EVC2: variants seen among roughly 807,000 people sequenced by gnomAD.
EVC2 encodes EvC ciliary complex subunit 2, also known as limbin.
Under a neutral mutation model 149.3 loss-of-function variants are expected in EVC2, and 148 were observed. The ratio of observed to expected loss-of-function variants is 0.99; its 90% confidence interval spans 0.87 to 1.14. The LOEUF is 1.14. EVC2 is among the 50% of genes most tolerant of loss of function. EVC2 has a pLI of 0.00. For synonymous variants in EVC2, 776 were observed against 649.9 expected, an observed-to-expected ratio of 1.19 and a Z score of -2.95; for missense variants, 1,854 against 1,627.3, an observed-to-expected ratio of 1.14 and a Z score of -2.40.
At chr4:5,597,642 C>T (rs1003371168) in intron 16 of EVC2, among the ~76,000 whole-genome samples, 1 of 149,394 alleles carries the variant, frequency 6.7e-6, no homozygotes, top group Non-Finnish European at 1.5e-5. Context: ...GAAACATTCC[C>T]TTTGAAAACT....
In EVC2 at chr4:5,579,562, C is replaced by T. The variant is rs533924659; in HGVS notation, c.3058-3108G>A. 1.7e-4 allele frequency among the ~76,000 whole-genome samples: 26 copies of T among 152,282 alleles called. No homozygotes were observed. The East Asian group carries it at 4.8e-3, about 28-fold the overall frequency. On this transcript the variant is annotated intron_variant, in intron 17 of 21. Coordinates refer to ENST00000344408, the MANE Select transcript of EVC2 (RefSeq NM_147127.5). ...GAGGGAAGATCAGAAGATGCCGAGG[C>T]TGGGCGTGGTAGCTCACACCTGTAA...
At chr4:5,697,746 C>A in intron 1 of EVC2, 99 bp from the exon 2 acceptor site, 3 of 814,012 alleles carry the variant, frequency 3.7e-6, no homozygotes, top group Non-Finnish European at 3.8e-6. Context: ...AGGACATGCA[C>A]TTTTTTTTTT....
At chr4:5,643,882 G>T (rs374722859) in intron 9 of EVC2, among the ~76,000 whole-genome samples, 1 of 152,122 alleles carries the variant, frequency 6.6e-6, no homozygotes, top group Non-Finnish European at 1.5e-5. Context: ...GCAATAGGGC[G>T]AGACTGTCTC....
At chr4:5,611,393 T>TC (rs981375537) in intron 16 of EVC2, among the ~76,000 whole-genome samples, 2 of 152,218 alleles carry the variant, frequency 1.3e-5, no homozygotes, top group African/African-American at 4.8e-5. Context: ...ACACAGTTTT[T>TC]CTTTTAGTAT....
chr4:5,668,179 C>T (rs1719396236), intron 7 of EVC2, among the ~76,000 whole-genome samples: 1 of 152,210 alleles, frequency 6.6e-6, no homozygotes, highest in Non-Finnish European at 1.5e-5. Flanking sequence ...TAGCCTATTC[C>T]TCATTCTTGC....
intron 9 of EVC2, among the ~76,000 whole-genome samples, chr4:5,646,220 C>A (rs561228640): frequency 1.3e-5 from 2 of 152,160 alleles, no homozygotes; most frequent in East Asian, 3.9e-4. Context: ...CATAAGCCAC[C>A]GTGCCAGGTC....
Position 5,622,439 on chromosome 4 carries a change from G to A in EVC2, c.2501+98C>T, listed in dbSNP as rs1353087482. The A allele has an allele frequency of 3.0e-6, 4 of 1,354,504 alleles. No homozygotes were observed. The highest frequency in any genetic ancestry group is 4.1e-6 in the Non-Finnish European group (4 of 965,764). 83.9% of individuals were successfully genotyped at this position (1,354,504 alleles called of 1,614,324 possible). ...TGGTAATCTCATCTGTCTGGGGCCA[G>A]GTGTCTCATGCTTGGCCATCCCCAC... On this transcript the variant is annotated intron_variant, in intron 14 of 21. Transcript: ENST00000344408. The surrounding 1 kb of genome is among the most constrained non-coding windows in gnomAD (Gnocchi z 5.8).
intron 21 of EVC2, among the ~76,000 whole-genome samples, chr4:5,550,475 G>C (rs1721713912): frequency 1.3e-5 from 2 of 152,182 alleles, no homozygotes; most frequent in African/African-American, 4.8e-5. Flanking sequence ...AGATGATTTA[G>C]GGTATCCGGC....
intron 1 of EVC2, among the ~76,000 whole-genome samples, chr4:5,707,378 C>A (rs1324612635): frequency 2.0e-5 from 3 of 152,086 alleles, no homozygotes; most frequent in Non-Finnish European, 4.4e-5. Context: ...CGACCCACCA[C>A]CCTAGGAGAG....
downstream of EVC2, among the ~76,000 whole-genome samples, chr4:5,559,444 G>A (rs1350903308): frequency 6.6e-6 from 1 of 152,114 alleles, no homozygotes; most frequent in Non-Finnish European, 1.5e-5. This position sits in a 1 kb window ranked among gnomAD's most constrained non-coding sequence, Gnocchi z 5.0. Flanking sequence ...GCACAACTAG[G>A]GCTCAGAGTT....
chr4:5,639,789 T>TA (rs1577193584), intron 10 of EVC2, among the ~76,000 whole-genome samples: 1 of 152,200 alleles, frequency 6.6e-6, no homozygotes, highest in East Asian at 1.9e-4. Flanking sequence ...AATGAAGCCT[T>TA]TCTTCTCTAC....
In EVC2 at chr4:5,618,569, C is replaced by A; in HGVS notation, c.2615G>T (p.Arg872Leu). ...MDRSLALPKIRARVLLQQFQT... is the reference protein window; with the variant it reads ...MDRSLALPKILARVLLQQFQT... ...AAATTGCTGCAGCAGAACTCGGGCC[C>A]GGATCTTGGGGAGGGCCAAGCTCCT... The change falls in exon 15 of 22, where the codon CGG becomes CTG. Residue 872 changes from arginine (R) to leucine (L), a missense_variant. Physicochemically the swap from Arg to Leu is moderately radical, Grantham distance 102. Transcript: ENST00000344408. The surrounding 1 kb of genome is among the most constrained non-coding windows in gnomAD (Gnocchi z 4.4). 6.2e-7 allele frequency: 1 copy of A among 1,614,100 alleles called. No homozygotes were observed. The highest frequency in any genetic ancestry group is 8.5e-7 in the Non-Finnish European group (1 of 1,180,034).
chr4:5,638,270 T>TC (rs760123554), intron 10 of EVC2, among the ~76,000 whole-genome samples: 3 of 151,888 alleles, frequency 2.0e-5, no homozygotes, highest in South Asian at 2.1e-4. Flanking sequence ...GCGCCTGTAA[T>TC]CCCAGCTACT....
At chr4:5,563,704 G>T (rs140012669) in intron 21 of EVC2, among the ~76,000 whole-genome samples, 1 of 152,130 alleles carries the variant, frequency 6.6e-6, no homozygotes, top group Non-Finnish European at 1.5e-5. Context: ...ATCAGCCATG[G>T]TGGGAATATT....
intron 21 of EVC2, among the ~76,000 whole-genome samples, chr4:5,549,227 T>C (rs1290402043): frequency 1.3e-5 from 2 of 152,250 alleles, no homozygotes; most frequent in South Asian, 2.1e-4. Flanking sequence ...CTAGCCATCA[T>C]TGATTAGGCA....
rs1263538554 is a variant in EVC2, at chr4:5,640,605, A to C, written c.1379T>G (p.Leu460Arg). 1 of 1,613,974 alleles carries C rather than the reference A, an allele frequency of 6.2e-7. No individual in the cohort carries two copies. Among genetic ancestry groups the C allele is most frequent in the Non-Finnish European group, 8.5e-7 (1 of 1,180,034 alleles). ...KMVALTAECD[L>R]ETRKKMENQY... ...GTTTTCCATCTTCTTTCTTGTTTCC[A>C]GGTCACATTCAGCTGTCAATGCCAC... The change falls in exon 10 of 22, where the codon CTG becomes CGG. Residue 460 changes from leucine to arginine, a missense_variant. Coordinates refer to ENST00000344408, the MANE Select transcript of EVC2 (RefSeq NM_147127.5). This position sits in a 1 kb window ranked among gnomAD's most constrained non-coding sequence, Gnocchi z 4.6.
At chr4:5,594,347 C>A (rs1713166303) in intron 16 of EVC2, among the ~76,000 whole-genome samples, 1 of 152,180 alleles carries the variant, frequency 6.6e-6, no homozygotes, top group Non-Finnish European at 1.5e-5. Flanking sequence ...TGACACCTCA[C>A]ACGGCCGGGT....
In EVC2 at chr4:5,622,885, C is replaced by T. The variant is rs1256824226; in HGVS notation, c.2153G>A (p.Gly718Asp). The change falls in exon 14 of 22, where the codon GGT becomes GAT. Residue 718 changes from glycine to aspartate, a missense_variant. By Grantham distance (94) the Gly-to-Asp change is moderately conservative. Transcript: ENST00000344408. This position sits in a 1 kb window ranked among gnomAD's most constrained non-coding sequence, Gnocchi z 5.8. The stretch of plus-strand genomic sequence containing the variant: ...CTCCTGCAGCTCCTCCAGGGTGGCA[C>T]CGTGCTCCTCCATCAGGCTCCTCTT... ...HQKRSLMEEH[G>D]ATLEELQERL... 6.2e-7 allele frequency: 1 copy of T among 1,614,196 alleles called. No individual in the cohort carries two copies. The highest frequency in any genetic ancestry group is 8.5e-7 in the Non-Finnish European group (1 of 1,180,042).
Position 5,631,888 on chromosome 4 carries a change from T to G in EVC2, c.1615A>C (p.Ser539Arg). ...LAVFQRNELHSIFFTQIKSAI... is the reference protein window; with the variant it reads ...LAVFQRNELHRIFFTQIKSAI... Reference sequence around the variant, plus strand: ...CTTTTTATCTGGGTAAAAAAGATACTGTGCAGTTCATTTCTCTGGAAAACA... The same window carrying G: ...CTTTTTATCTGGGTAAAAAAGATACGGTGCAGTTCATTTCTCTGGAAAACA... Residue 539 changes from serine (S) to arginine (R), a missense_variant, in exon 11 of 22, where the codon AGT (serine) becomes CGT (arginine). Coordinates refer to ENST00000344408, the MANE Select transcript of EVC2 (RefSeq NM_147127.5). The G allele has an allele frequency of 1.2e-6, 2 of 1,614,246 alleles. No individual in the cohort carries two copies. The highest frequency in any genetic ancestry group is 1.7e-6 in the Non-Finnish European group (2 of 1,180,040).
Sources: gnomAD v4.1 joint callset for allele counts (sites outside exome capture counted in the v4.1 genomes callset) on GRCh38, gnomAD v4.1.1 for gene constraint, Gnocchi (gnomAD v3.1) non-coding constraint, MANE v1.5 for transcripts, NCBI Gene and HGNC (gene_info 2026-07-23, HGNC 2026-07-21) for gene names.